ADAMTS18: variants seen among roughly 807,000 people sequenced by gnomAD.
The protein encoded by ADAMTS18 is A disintegrin and metalloproteinase with thrombospondin motifs 18.
In ADAMTS18, 157 loss-of-function variants were observed where a neutral mutation model predicts 165.9. The observed-to-expected ratio is 0.95, with a 90% CI of 0.83 to 1.08. The LOEUF (loss-of-function observed/expected upper bound fraction) is 1.08, where lower values mean the gene tolerates loss of function less well. Among genes scored for constraint, ADAMTS18 ranks in the 50% least tolerant of loss-of-function variants. ADAMTS18 has a pLI of 0.00. For synonymous variants in ADAMTS18, 782 were observed against 578.2 expected, an observed-to-expected ratio of 1.35 and a Z score of -5.06; for missense variants, 2,040 against 1,534.0, an observed-to-expected ratio of 1.33 and a Z score of -5.51.
rs2055158474 is a variant in ADAMTS18, at chr16:77,282,190, A to T, written c.*1766T>A. The T allele has an allele frequency of 6.6e-6, 1 of 152,134 alleles. No homozygotes were observed. Among genetic ancestry groups the T allele is most frequent in the South Asian group, 2.1e-4 (1 of 4,832 alleles). 9.4% of individuals were successfully genotyped at this position (152,134 alleles called of 1,614,324 possible). A position where few individuals can be genotyped will look rare whatever the true frequency, so the allele number is the denominator to read the frequency against. The stretch of plus-strand genomic sequence containing the variant: ...TATAAAATAATTAAATATTACACAT[A>T]TATTTTGACTTTTCTCTATAATCCA... On this transcript the variant is annotated 3_prime_UTR_variant, in exon 23 of 23. Coordinates refer to ENST00000282849, the MANE Select transcript of ADAMTS18 (RefSeq NM_199355.4).
At chr16:77,431,213 G>C (rs2057735001) in intron 3 of ADAMTS18, 82 bp downstream of exon 3, 1 of 1,466,126 alleles carries the variant, frequency 6.8e-7, no homozygotes, top group Non-Finnish European at 9.5e-7. Context: ...GGCTGGAAGA[G>C]CATTTATATT....
intron 8 of ADAMTS18, among the ~76,000 whole-genome samples, chr16:77,356,856 A>T (rs1455924670): frequency 6.6e-6 from 1 of 152,148 alleles, no homozygotes; most frequent in Non-Finnish European, 1.5e-5. Context: ...ATTAATGTGC[A>T]TACCCACATA....
chr16:77,362,020 A>G, intron 7 of ADAMTS18, 85 bp downstream of exon 7: 7 of 1,434,844 alleles, frequency 4.9e-6, no homozygotes, highest in Non-Finnish European at 6.8e-6. Context: ...ATTAAGGAAC[A>G]TAAGGGCTAT....
rs761186743 is a variant in ADAMTS18 at position 77,364,318 on chromosome 16, C to T, written c.842G>A (p.Arg281Gln). Residue 281 changes from arginine to glutamine, a missense_variant, in exon 5 of 23, where the codon CGA (arginine) becomes CAA (glutamine). By Grantham distance (43) the Arg-to-Gln change is conservative (BLOSUM62 1). Coordinates refer to ENST00000282849, the MANE Select transcript of ADAMTS18 (RefSeq NM_199355.4). ...TGATTTTCCAGCTGATCTTCTGGGTCGCCCAGAGCTCCCATATTCATCAAA... is the reference window on the plus strand; with the variant it reads ...TGATTTTCCAGCTGATCTTCTGGGTTGCCCAGAGCTCCCATATTCATCAAA... ...LRFDEYGSSG[R>Q]PRRSAGKSQK... 14 of 1,613,780 alleles carry T rather than the reference C, an allele frequency of 8.7e-6. No homozygotes were observed. The highest frequency in any genetic ancestry group is 1.3e-5 in the African/African-American group (1 of 74,800).
intron 3 of ADAMTS18, among the ~76,000 whole-genome samples, chr16:77,422,630 G>A (rs1365172730): frequency 6.6e-6 from 1 of 150,800 alleles, no homozygotes; most frequent in African/African-American, 2.4e-5. Context: ...GGAGGAAGAA[G>A]GGAAGAAAGG....
chr16:77,295,503 A>G (rs17769760), intron 18 of ADAMTS18, among the ~76,000 whole-genome samples: 16,428 of 152,240 alleles, frequency 0.11, 1,223 homozygotes, highest in Admixed American at 0.22. Flanking sequence ...TAAGGAGCCT[A>G]TAACACAGTA....
In ADAMTS18 at chr16:77,334,804, ATAG is replaced by A. The variant is rs1447927626; in HGVS notation, c.1859+949_1859+951del. On this transcript the variant is annotated intron_variant, in intron 12 of 22. Transcript: ENST00000282849. ...GTATACAGTAAATATACTATATACT[ATAG>A]TATACAGTATATATACTATATACTA... Among the ~76,000 whole-genome samples the A allele has an allele frequency of 1.2e-4, 15 of 122,854 alleles. No homozygotes were observed. In the East Asian group the frequency reaches 2.4e-3, roughly 19 times the overall value. 80.6% of individuals were successfully genotyped at this position (122,854 alleles called of 152,430 possible).
chr16:77,432,870 T>A (rs11860450), intron 2 of ADAMTS18, among the ~76,000 whole-genome samples: 2,183 of 152,170 alleles, frequency 0.014, 52 homozygotes, highest in African/African-American at 0.051. Context: ...TTCTCCACAA[T>A]AGACAATAAT....
At position 77,434,474 on chromosome 16, in the gene ADAMTS18, G is replaced by C; in HGVS notation, c.122C>G (p.Ser41Trp). Residue 41 changes from serine to tryptophan, a missense_variant, in exon 2 of 23, where the codon TCG becomes TGG. Ser to Trp is a radical substitution (Grantham distance 177, BLOSUM62 -3). Coordinates refer to ENST00000282849, the MANE Select transcript of ADAMTS18 (RefSeq NM_199355.4). Reference protein sequence around the residue: ...ALQLCCLCCASVAAALASDSS... With the variant: ...ALQLCCLCCAWVAAALASDSS... ...GTCACTGGCTAAGGCCGCGGCGACC[G>C]ACGCACAGCAGAGGCAGCACAGCTG... The C allele has an allele frequency of 6.4e-7, 1 of 1,569,970 alleles. No homozygotes were observed.
intron 2 of ADAMTS18, among the ~76,000 whole-genome samples, chr16:77,432,741 A>C (rs1378444426): frequency 6.6e-6 from 1 of 151,238 alleles, no homozygotes; most frequent in Non-Finnish European, 1.5e-5. Flanking sequence ...CTTTTCCCTA[A>C]ACAGTCAACA....
chr16:77,364,491 C>A, intron 4 of ADAMTS18, 110 bp from the exon 5 acceptor site: 1 of 1,135,884 alleles, frequency 8.8e-7, no homozygotes, highest in Non-Finnish European at 1.3e-6. Context: ...ACCAACACAC[C>A]ACCAATCCAC....
intron 3 of ADAMTS18, among the ~76,000 whole-genome samples, chr16:77,421,639 C>A (rs574810460): frequency 6.4e-4 from 97 of 152,262 alleles, no homozygotes; most frequent in South Asian, 1.4e-3. Flanking sequence ...GTTATACAAG[C>A]CAGGTATTAA....
intron 3 of ADAMTS18, among the ~76,000 whole-genome samples, chr16:77,387,236 G>A (rs1355079525): frequency 1.3e-5 from 2 of 152,154 alleles, no homozygotes; most frequent in Non-Finnish European, 2.9e-5. Context: ...TTCTCTTCCT[G>A]TTACAAGTAC....
At chr16:77,430,157 C>CAAAT (rs386385134) in intron 3 of ADAMTS18, among the ~76,000 whole-genome samples, 12 of 151,564 alleles carry the variant, frequency 7.9e-5, no homozygotes, top group Non-Finnish European at 1.6e-4. Flanking sequence ...ACAAAACAAA[C>CAAAT]AAACAAACAA....
intron 4 of ADAMTS18, among the ~76,000 whole-genome samples, chr16:77,365,892 T>C (rs2056786372): frequency 6.6e-6 from 1 of 152,348 alleles, no homozygotes; most frequent in Non-Finnish European, 1.5e-5. Flanking sequence ...AGTTTCCTTA[T>C]CTATGAAAAC....
chr16:77,396,775 A>C (rs1216225226), intron 3 of ADAMTS18, among the ~76,000 whole-genome samples: 1 of 151,028 alleles, frequency 6.6e-6, no homozygotes, highest in African/African-American at 2.4e-5. Context: ...AGCTTTGTTC[A>C]CTAAACAAGT....
intron 3 of ADAMTS18, among the ~76,000 whole-genome samples, chr16:77,426,234 G>C (rs2057671125): frequency 6.6e-6 from 1 of 151,964 alleles, no homozygotes; most frequent in Non-Finnish European, 1.5e-5. Context: ...ACTTATTCCT[G>C]GAGCATCTCT....
chr16:77,382,774 A>G (rs2057050450), intron 3 of ADAMTS18, among the ~76,000 whole-genome samples: 2 of 152,228 alleles, frequency 1.3e-5, no homozygotes, highest in African/African-American at 4.8e-5. Context: ...GATTTAATGG[A>G]AACCAGACTT....
chr16:77,312,906 A>G (rs544160741), intron 16 of ADAMTS18, among the ~76,000 whole-genome samples: 23 of 152,304 alleles, frequency 1.5e-4, no homozygotes, highest in Non-Finnish European at 3.1e-4. Context: ...GGGATCTTGA[A>G]CTAGAAATAC....
Sources: allele counts gnomAD v4.1 joint callset (sites outside exome capture counted in the v4.1 genomes callset), GRCh38; gene constraint gnomAD v4.1.1; transcripts MANE v1.5; gene names NCBI Gene and HGNC (gene_info 2026-07-23, HGNC 2026-07-21).